Variants in MSH6 observed in about 807,000 individuals in gnomAD.
MSH6 encodes DNA mismatch repair protein Msh6.
Under a neutral mutation model 119.1 loss-of-function variants are expected in MSH6, and 85 were observed. The observed-to-expected ratio is 0.71, with a 90% confidence interval of 0.60 to 0.85. The LOEUF is 0.85. Among genes scored for constraint, MSH6 ranks in the 40% least tolerant of loss-of-function variants. MSH6 has a pLI of 0.00. For missense variants in MSH6, 2,163 were observed against 1,655.3 expected, an observed-to-expected ratio of 1.31 and a Z score of -5.32; for synonymous variants, 830 against 586.9, an observed-to-expected ratio of 1.41 and a Z score of -5.99.
chr2:47,793,318 C>CTCAAAAAAA (rs1441753856), intron 2 of MSH6, among the ~76,000 whole-genome samples: 2,310 of 48,806 alleles, frequency 0.047, 211 homozygotes, highest in Non-Finnish European at 0.056. Flanking sequence ...GAGACTGTCT[C>CTCAAAAAAA]AAAAAAAAAA....
At chr2:47,784,453 G>T in intron 1 of MSH6, 3 of 155,314 alleles carry the variant, frequency 1.9e-5, no homozygotes, top group Non-Finnish European at 4.2e-5. Context: ...TTTATGGGCA[G>T]TTAAGTGCTT....
downstream of MSH6, chr2:47,807,948 T>C (rs1012793170): frequency 2.1e-5 from 13 of 626,020 alleles, no homozygotes; most frequent in South Asian, 2.1e-4. Flanking sequence ...AGTCAATATA[T>C]TGCCACTTTC....
chr2:47,790,470 C>T (rs1296321181), intron 1 of MSH6, among the ~76,000 whole-genome samples: 1 of 152,056 alleles, frequency 6.6e-6, no homozygotes, highest in African/African-American at 2.4e-5. Context: ...AGATTCCAAG[C>T]AAGTCTAATG....
In MSH6 at chr2:47,800,523, A is replaced by G. The variant is rs749648487; in HGVS notation, c.2540A>G (p.Glu847Gly). ...HPDSRAIMYE[E>G]TTYSKKKIID... Reference sequence around the variant, plus strand: ...GACAGCAGGGCTATAATGTATGAAGAAACTACATACAGCAAGAAGAAGATT... The same window carrying G: ...GACAGCAGGGCTATAATGTATGAAGGAACTACATACAGCAAGAAGAAGATT... Residue 847 changes from glutamate (E) to glycine (G), a missense_variant, in exon 4 of 10, where the codon GAA (glutamate) becomes GGA (glycine). Physicochemically the swap from Glu to Gly is moderately conservative, Grantham distance 98. Coordinates refer to ENST00000234420, the MANE Select transcript of MSH6 (RefSeq NM_000179.3). The G allele has an allele frequency of 6.2e-7, 1 of 1,613,208 alleles. No homozygotes were observed. The highest frequency in any genetic ancestry group is 1.7e-5 in the Admixed American group (1 of 59,822).
chr2:47,783,539 G>A (rs2103946898), intron 1 of MSH6, 46 bp downstream of exon 1: 1 of 1,405,442 alleles, frequency 7.1e-7, no homozygotes, highest in Non-Finnish European at 9.3e-7. Context: ...TAGCGGCGGG[G>A]CGCTTGGAAC....
chr2:47,801,350 G>T, intron 4 of MSH6, 195 bp downstream of exon 4: 1 of 218,850 alleles, frequency 4.6e-6, no homozygotes, highest in Non-Finnish European at 8.2e-6. Flanking sequence ...TAGCCCTTTG[G>T]CCTTTCTTCA....
Position 47,790,930 on chromosome 2 carries a change from TG to T in MSH6, c.265del (p.Asp89ThrfsTer60). The T allele has an allele frequency of 6.2e-7, 1 of 1,614,224 alleles. No homozygotes were observed. Among genetic ancestry groups the T allele is most frequent in the Non-Finnish European group, 8.5e-7 (1 of 1,180,028 alleles). The stretch of plus-strand genomic sequence containing the variant: ...ATGTATTTCCTTTTGGCAACAGTTG[TG>T]ACTTCTCACCAGGAGATTTGGTTTG... ...SVAPAAPTSC[D>X]FSPGDLVWAK... On this transcript the variant is annotated frameshift_variant, in exon 2 of 10. Coordinates refer to ENST00000234420, the MANE Select transcript of MSH6 (RefSeq NM_000179.3). LOFTEE classifies it high-confidence loss of function.
chr2:47,784,307 T>G (rs1228716019), intron 1 of MSH6: 1 of 910,754 alleles, frequency 1.1e-6, no homozygotes, highest in Non-Finnish European at 1.3e-6. Context: ...TCGTGTCGAG[T>G]GGAAAATATT....
Position 47,806,831 on chromosome 2 carries a change from A to G in MSH6, c.4054A>G (p.Lys1352Glu), listed in dbSNP as rs587782309. 16 of 1,612,534 alleles carry G rather than the reference A, an allele frequency of 9.9e-6. No individual in the cohort carries two copies. The highest frequency in any genetic ancestry group is 1.3e-5 in the Non-Finnish European group (15 of 1,179,308). The change falls in exon 10 of 10, where the codon AAA becomes GAA. Residue 1352 changes from lysine (K) to glutamate (E), a missense_variant. Coordinates refer to ENST00000234420, the MANE Select transcript of MSH6 (RefSeq NM_000179.3). ...RSTVDAEAVHKLLTLIKEL is the reference protein window; with the variant it reads ...RSTVDAEAVHELLTLIKEL Reference sequence around the variant, plus strand: ...AACTGTAGATGCTGAAGCTGTCCATAAATTGCTGACTTTGATTAAGGAATT... The same window carrying G: ...AACTGTAGATGCTGAAGCTGTCCATGAATTGCTGACTTTGATTAAGGAATT...
chr2:47,785,633 G>A (rs978341451), intron 1 of MSH6, among the ~76,000 whole-genome samples: 16 of 152,278 alleles, frequency 1.1e-4, no homozygotes, highest in East Asian at 1.9e-4. Context: ...TTGTTTAAGC[G>A]ACCCTTTCCC....
At chr2:47,809,880 T>C (rs935096877), downstream of MSH6, 3 of 546,404 alleles carry the variant, frequency 5.5e-6, no homozygotes, top group South Asian at 5.1e-5. Flanking sequence ...CATTCACTTA[T>C]CAATGACTAT....
chr2:47,800,799 A>C lies in MSH6; in HGVS notation c.2816A>C (p.Gln939Pro). 6.2e-7 allele frequency: 1 copy of C among 1,614,130 alleles called. No individual in the cohort carries two copies. Among genetic ancestry groups the C allele is most frequent in the Non-Finnish European group, 8.5e-7 (1 of 1,180,020 alleles). The change falls in exon 4 of 10, where the codon CAA becomes CCA. Residue 939 changes from glutamine to proline, a missense_variant. Transcript: ENST00000234420. ...GCAGGCTTTGACTCTGATTATGACC[A>C]AGCTCTTGCTGACATAAGAGAAAAT... ...PKAGFDSDYD[Q>P]ALADIRENEQ... is the part of the protein sequence containing the mutation.
intron 3 of MSH6, among the ~76,000 whole-genome samples, chr2:47,797,198 A>T (rs1470711765): frequency 6.6e-6 from 1 of 152,174 alleles, no homozygotes; most frequent in Non-Finnish European, 1.5e-5. Context: ...TGGCCCAGGG[A>T]AGCTGAAAGA....
chr2:47,798,464 TG>T, intron 3 of MSH6, 146 bp from the exon 4 acceptor site: 1 of 785,802 alleles, frequency 1.3e-6, no homozygotes, highest in Non-Finnish European at 2.0e-6. Flanking sequence ...GCCTATCTCA[TG>T]TAATTCATCG....
downstream of MSH6, chr2:47,808,924 T>TGG: frequency 2.6e-6 from 1 of 384,598 alleles, no homozygotes; most frequent in Non-Finnish European, 4.6e-6. Flanking sequence ...TTAGAACTCC[T>TGG]GGGCTCCAGT....
chr2:47,799,510 G>T lies in MSH6; in HGVS notation c.1527G>T (p.Val509=), dbSNP rs878853706. 1 of 1,614,196 alleles carries T rather than the reference G, an allele frequency of 6.2e-7. No individual in the cohort carries two copies. The highest frequency in any genetic ancestry group is 8.5e-7 in the Non-Finnish European group (1 of 1,180,028). ...MAHISKYDRV[V]RREICRIITK... Reference sequence around the variant, plus strand: ...ATATATCCAAGTATGATAGAGTGGTGAGGAGGGAGATCTGTAGGATCATTA... The same window carrying T: ...ATATATCCAAGTATGATAGAGTGGTTAGGAGGGAGATCTGTAGGATCATTA... The change falls in exon 4 of 10, where the codon GTG becomes GTT. Residue 509 remains valine (V), a synonymous_variant. Coordinates refer to ENST00000234420, the MANE Select transcript of MSH6 (RefSeq NM_000179.3).
At position 47,796,015 on chromosome 2, in the gene MSH6, G is replaced by C. The variant is rs2104237673; in HGVS notation, c.579G>C (p.Leu193Phe). The change falls in exon 3 of 10, where the codon TTG becomes TTC. Residue 193 changes from leucine (L) to phenylalanine (F), a missense_variant. Coordinates refer to ENST00000234420, the MANE Select transcript of MSH6 (RefSeq NM_000179.3). ...LNKDKIKRLELAVCDEPSEPE... is the reference protein window; with the variant it reads ...LNKDKIKRLEFAVCDEPSEPE... The stretch of plus-strand genomic sequence containing the variant: ...AAGACAAGATTAAGAGGCTTGAATT[G>C]GCAGTTTGTGATGAGCCCTCAGAGC... 1 of 1,614,154 alleles carries C rather than the reference G, an allele frequency of 6.2e-7. No individual in the cohort carries two copies. Among genetic ancestry groups the C allele is most frequent in the Non-Finnish European group, 8.5e-7 (1 of 1,180,040 alleles).
At position 47,795,420 on chromosome 2, in the gene MSH6, T is replaced by TTG. The variant is rs1414815932; in HGVS notation, c.458-473_458-472insGT. Among the ~76,000 whole-genome samples, 287 of 116,996 alleles carry TTG rather than the reference T, an allele frequency of 2.5e-3. 1 individual carries two copies. Among genetic ancestry groups the TTG allele is most frequent in the African/African-American group, 7.5e-3 (275 of 36,906 alleles). 76.8% of individuals were successfully genotyped at this position (116,996 alleles called of 152,430 possible). A position where few individuals can be genotyped will look rare whatever the true frequency, so the allele number is the denominator to read the frequency against. On this transcript the variant is annotated intron_variant, in intron 2 of 9. Coordinates refer to ENST00000234420, the MANE Select transcript of MSH6 (RefSeq NM_000179.3). The stretch of plus-strand genomic sequence containing the variant: ...TCAAGTGTCCAGCCAACAAGTTATT[T>TTG]TATGTGTGTGTGTGTGTGTGTGTGT...
At chr2:47,792,602 C>A (rs1668803801) in intron 2 of MSH6, among the ~76,000 whole-genome samples, 1 of 152,166 alleles carries the variant, frequency 6.6e-6, no homozygotes, top group Non-Finnish European at 1.5e-5. Context: ...AGTCTGCCCA[C>A]TTCGGCCTCC....
Sources: allele counts gnomAD v4.1 joint callset (sites outside exome capture counted in the v4.1 genomes callset), GRCh38; gene constraint gnomAD v4.1.1; transcripts MANE v1.5; gene names NCBI Gene and HGNC (gene_info 2026-07-23, HGNC 2026-07-21).